The following SLC22A3 variants were observed in gnomAD, a reference collection of about 807,000 sequenced individuals.
SLC22A3 encodes EMT organic cation transporter 3.
A neutral mutation model predicts 59.1 loss-of-function variants in SLC22A3; 51 were observed. The observed-to-expected ratio is 0.86, with a 90% CI of 0.69 to 1.09. SLC22A3 has a LOEUF of 1.09. Ranked by LOEUF, SLC22A3 falls within the 50% of genes least tolerant of loss-of-function variation. The pLI is 0.00. For missense variants in SLC22A3, 711 were observed against 726.3 expected (o/e 0.98, Z 0.24); for synonymous variants, 325 against 292.0 (o/e 1.11, Z -1.15).
chr6:160,433,021 T>G (rs1788210443), intron 5 of SLC22A3, among the ~76,000 whole-genome samples: 1 of 152,216 alleles, frequency 6.6e-6, no homozygotes, highest in South Asian at 2.1e-4. Context: ...AGGCCAGACA[T>G]GCAGGCAACC....
chr6:160,353,728 GGTTGGAGTTCA>G (rs991983301), intron 1 of SLC22A3, among the ~76,000 whole-genome samples: 1 of 152,122 alleles, frequency 6.6e-6, no homozygotes, highest in African/African-American at 2.4e-5. Flanking sequence ...AAAAGACGAG[GGTTGGAGTTCA>G]GGAATTTTCC....
At chr6:160,449,265 T>A (rs1029951010) in intron 10 of SLC22A3, among the ~76,000 whole-genome samples, 5 of 152,010 alleles carry the variant, frequency 3.3e-5, no homozygotes, top group Admixed American at 1.3e-4. Context: ...TGGAAGGGGG[T>A]TGTCTAAATG....
chr6:160,355,787 AC>A (rs1197378064), intron 1 of SLC22A3, among the ~76,000 whole-genome samples: 1 of 139,198 alleles, frequency 7.2e-6, no homozygotes, highest in Non-Finnish European at 1.6e-5. Context: ...AACAACAACA[AC>A]AACAACAACA....
At chr6:160,436,512 C>T (rs542969293) in intron 5 of SLC22A3, among the ~76,000 whole-genome samples, 7 of 152,152 alleles carry the variant, frequency 4.6e-5, no homozygotes, top group Non-Finnish European at 1.0e-4. Flanking sequence ...AATAAATGTG[C>T]ATATGTATTT....
chr6:160,400,625 GA>G (rs1486948057), intron 2 of SLC22A3, among the ~76,000 whole-genome samples: 1 of 148,946 alleles, frequency 6.7e-6, no homozygotes, highest in Non-Finnish European at 1.5e-5. Flanking sequence ...CACCTATCAA[GA>G]AAAAATTACA....
intron 5 of SLC22A3, among the ~76,000 whole-genome samples, chr6:160,421,504 T>C (rs1461643017): frequency 6.6e-6 from 1 of 152,186 alleles, no homozygotes; most frequent in Non-Finnish European, 1.5e-5. Context: ...CCCTTGCCCT[T>C]TAGGAGCAAA....
At chr6:160,438,576 C>G (rs773955701) in intron 7 of SLC22A3, among the ~76,000 whole-genome samples, 1 of 112,728 alleles carries the variant, frequency 8.9e-6, no homozygotes, top group Non-Finnish European at 1.7e-5. Flanking sequence ...TGCCAATATT[C>G]GGAACACACA....
At chr6:160,385,370 C>G (rs1207404096) in intron 1 of SLC22A3, among the ~76,000 whole-genome samples, 1 of 152,228 alleles carries the variant, frequency 6.6e-6, no homozygotes. Flanking sequence ...AATTCTTTCA[C>G]TTCCCAGTTA....
At chr6:160,435,818 G>T (rs1167354001) in intron 5 of SLC22A3, among the ~76,000 whole-genome samples, 1 of 152,164 alleles carries the variant, frequency 6.6e-6, no homozygotes, top group Non-Finnish European at 1.5e-5. Context: ...GAACAGATAT[G>T]ACCAGGGCAC....
chr6:160,411,017 T>C (rs1364973791), intron 5 of SLC22A3, among the ~76,000 whole-genome samples, 171 bp downstream of exon 5: 2 of 151,888 alleles, frequency 1.3e-5, no homozygotes, highest in African/African-American at 4.8e-5. Context: ...ACCAAACATC[T>C]GGGAAATCAT....
rs760511764 is a variant in SLC22A3 at position 160,436,857 on chromosome 6, A to T, written c.1053A>T (p.Thr351=). The T allele has an allele frequency of 1.9e-6, 3 of 1,613,750 alleles. No individual in the cohort carries two copies. The highest frequency in any genetic ancestry group is 3.3e-5 in the Admixed American group (2 of 59,990). The change falls in exon 6 of 11, where the codon ACA becomes ACT. Residue 351 remains threonine (T), a synonymous_variant. Coordinates refer to ENST00000275300, the MANE Select transcript of SLC22A3 (RefSeq NM_021977.4). The part of the protein sequence containing the change: ...LVRTPQMRKC[T]LILMFAWFTS... The stretch of plus-strand genomic sequence containing the variant: ...GAACTCCCCAAATGAGGAAATGCAC[A>T]CTTATTCTTATGTTTGCTTGGTAAG...
At chr6:160,418,991 T>C (rs568730248) in intron 5 of SLC22A3, among the ~76,000 whole-genome samples, 31 of 152,352 alleles carry the variant, frequency 2.0e-4, no homozygotes, top group African/African-American at 7.0e-4. Flanking sequence ...TGTTCACACA[T>C]AAACATGCTT....
chr6:160,428,796 G>A (rs1021445164), intron 5 of SLC22A3, among the ~76,000 whole-genome samples: 10 of 152,116 alleles, frequency 6.6e-5, no homozygotes, highest in East Asian at 5.8e-4. Context: ...TTTCCCCATC[G>A]TATATGCTCT....
At chr6:160,370,387 G>A (rs1028608957) in intron 1 of SLC22A3, among the ~76,000 whole-genome samples, 1 of 152,168 alleles carries the variant, frequency 6.6e-6, no homozygotes, top group Admixed American at 6.5e-5. Context: ...ACATGTGTGG[G>A]CACTTTCCCT....
Position 160,442,768 on chromosome 6 carries a change from A to T in SLC22A3, c.1296A>T (p.Ala432=), listed in dbSNP as rs368718347. Residue 432 remains alanine (A), a synonymous_variant, in exon 8 of 11, where the codon GCA becomes GCT. Coordinates refer to ENST00000275300, the MANE Select transcript of SLC22A3 (RefSeq NM_021977.4). ...LVTAFLPEGI[A]WLRTTVATLG... ...AACTTTCTGTGTTTGCAGGAATAGC[A>T]TGGTTGAGGACCACAGTGGCTACAT... is the stretch of plus-strand genomic sequence containing the variant. The T allele has an allele frequency of 6.2e-6, 10 of 1,612,784 alleles. No homozygotes were observed. The highest frequency in any genetic ancestry group is 5.3e-5 in the African/African-American group (4 of 75,048).
At chr6:160,407,979 G>T (rs1023030334) in intron 3 of SLC22A3, among the ~76,000 whole-genome samples, 2 of 152,192 alleles carry the variant, frequency 1.3e-5, no homozygotes. Context: ...ACCTTTCTGT[G>T]AGTGGGAGAA....
Position 160,442,804 on chromosome 6 carries a change from A to T in SLC22A3, c.1332A>T (p.Leu444=), listed in dbSNP as rs767149577. 2.5e-6 allele frequency: 4 copies of T among 1,613,982 alleles called. No individual in the cohort carries two copies. Among genetic ancestry groups the T allele is most frequent in the Non-Finnish European group, 3.4e-6 (4 of 1,179,932 alleles). ...LRTTVATLGR[L]GITMAFEIVY... is the part of the protein sequence containing the mutation. ...CCACAGTGGCTACATTGGGAAGACT[A>T]GGGATAACCATGGCCTTTGAAATTG... Residue 444 remains leucine, a synonymous_variant, in exon 8 of 11, where the codon CTA becomes CTT. Transcript: ENST00000275300.
chr6:160,414,160 C>T (rs1112444), intron 5 of SLC22A3, among the ~76,000 whole-genome samples: 1 of 152,028 alleles, frequency 6.6e-6, no homozygotes, highest in African/African-American at 2.4e-5. Flanking sequence ...TAGTACATTT[C>T]CATTGAGAGA....
chr6:160,419,388 A>G lies in SLC22A3; in HGVS notation c.975+8542A>G, dbSNP rs139748176. ...GAACCACACTATGATTCCAACTTCC[A>G]TGGAGCCCATCGGGGATGGTGGTAT... On this transcript the variant is annotated intron_variant, in intron 5 of 10. Coordinates refer to ENST00000275300, the MANE Select transcript of SLC22A3 (RefSeq NM_021977.4). 7.2e-3 allele frequency among the ~76,000 whole-genome samples: 1,102 copies of G among 152,302 alleles called. 13 individuals carry two copies. Among genetic ancestry groups the G allele is most frequent in the African/African-American group, 0.025 (1,053 of 41,572 alleles).
Sources: gnomAD v4.1 joint callset for allele counts (sites outside exome capture counted in the v4.1 genomes callset) on GRCh38, gnomAD v4.1.1 for gene constraint, MANE v1.5 for transcripts, NCBI Gene and HGNC (gene_info 2026-07-23, HGNC 2026-07-21) for gene names.